The following PRRX1 variants were observed in gnomAD, a reference collection of about 807,000 sequenced individuals.
The protein encoded by PRRX1 is paired related homeobox 1.
PRRX1 carries 8 observed loss-of-function variants against 24.0 expected under a neutral mutation model. The ratio of observed to expected loss-of-function variants is 0.33; its 90% CI spans 0.20 to 0.60. PRRX1 has a LOEUF of 0.60. PRRX1 is among the 20% of genes least tolerant of loss of function. The probability of loss-of-function intolerance (pLI) is 0.82; values close to 1 mark genes in which losing one functional copy is unlikely to be tolerated. For synonymous variants in PRRX1, 160 were observed against 131.7 expected, an observed-to-expected ratio of 1.22 and a Z score of -1.47; for missense variants, 281 against 322.4, an observed-to-expected ratio of 0.87 and a Z score of 0.98.
At chr1:170,667,300 G>GCA (rs1224239192) in intron 1 of PRRX1, 3 of 121,054 alleles carry the variant, frequency 2.5e-5, no homozygotes, top group Non-Finnish European at 5.0e-5. Context: ...ACACACACGC[G>GCA]CGCGCGCGCG....
chr1:170,677,635 T>C (rs1653367423), intron 1 of PRRX1, among the ~76,000 whole-genome samples: 1 of 152,254 alleles, frequency 6.6e-6, no homozygotes, highest in Non-Finnish European at 1.5e-5. Context: ...ATTTGTTTTC[T>C]ATCTACAATT....
At chr1:170,679,439 G>A (rs1194130541) in intron 1 of PRRX1, among the ~76,000 whole-genome samples, 3 of 151,990 alleles carry the variant, frequency 2.0e-5, no homozygotes, top group Non-Finnish European at 4.4e-5. Flanking sequence ...TGGCTCTGTT[G>A]CCCAGGCTGG....
chr1:170,738,635 G>A lies in PRRX1; in HGVS notation c.*2449G>A. 1 of 229,224 alleles carries A rather than the reference G, an allele frequency of 4.4e-6. No individual in the cohort carries two copies. Among genetic ancestry groups the A allele is most frequent in the South Asian group, 1.8e-4 (1 of 5,502 alleles). The allele number at this position is 229,224 out of a possible 1,614,324, so 14.2% of individuals were successfully genotyped here. ...AACTGGTGAACTTTGGAGGTTTGGA[G>A]CTTGAAGAGAATGGCTAAGAAGATT... On this transcript the variant is annotated 3_prime_UTR_variant, in exon 4 of 4. Coordinates refer to ENST00000239461, the MANE Select transcript of PRRX1 (RefSeq NM_022716.4).
At chr1:170,696,067 A>G (rs1222028792) in intron 1 of PRRX1, among the ~76,000 whole-genome samples, 1 of 152,158 alleles carries the variant, frequency 6.6e-6, no homozygotes, top group East Asian at 1.9e-4. Context: ...GTACAGAAAA[A>G]GAGACAGAAG....
chr1:170,673,672 A>G (rs778419402), intron 1 of PRRX1, among the ~76,000 whole-genome samples: 18 of 152,172 alleles, frequency 1.2e-4, no homozygotes, highest in Non-Finnish European at 2.1e-4. Flanking sequence ...TCAACAAAAC[A>G]TGGAACTAAC....
At chr1:170,671,123 G>A (rs1431911597) in intron 1 of PRRX1, among the ~76,000 whole-genome samples, 1 of 152,182 alleles carries the variant, frequency 6.6e-6, no homozygotes, top group Non-Finnish European at 1.5e-5. Flanking sequence ...AAAGGGCAAG[G>A]GCAGGCTCTA....
chr1:170,678,280 C>T (rs1474747798), intron 1 of PRRX1, among the ~76,000 whole-genome samples: 1 of 152,168 alleles, frequency 6.6e-6, no homozygotes, highest in Admixed American at 6.6e-5. Context: ...CATGAAACAT[C>T]CAGGACTCTA....
At chr1:170,681,233 A>G (rs1313135082) in intron 1 of PRRX1, among the ~76,000 whole-genome samples, 1 of 152,160 alleles carries the variant, frequency 6.6e-6, no homozygotes, top group East Asian at 1.9e-4. Flanking sequence ...GGGCTTTGAG[A>G]CTCAGAGGAG....
At chr1:170,696,138 G>A (rs1259907021) in intron 1 of PRRX1, among the ~76,000 whole-genome samples, 3 of 152,188 alleles carry the variant, frequency 2.0e-5, no homozygotes, top group Admixed American at 2.0e-4. Context: ...GTAGGCAGGA[G>A]CAAAGGAGAG....
chr1:170,685,470 G>A (rs1653699892), intron 1 of PRRX1, among the ~76,000 whole-genome samples: 2 of 152,160 alleles, frequency 1.3e-5, no homozygotes, highest in Admixed American at 6.5e-5. Context: ...AAAATGATTT[G>A]AGAATGAAAG....
At chr1:170,722,178 C>A (rs2101919355) in intron 2 of PRRX1, among the ~76,000 whole-genome samples, 1 of 152,222 alleles carries the variant, frequency 6.6e-6, no homozygotes, top group Non-Finnish European at 1.5e-5. Context: ...ATTCTTCCCC[C>A]ATGAAAGCCT....
chr1:170,708,266 G>A (rs879722194), intron 1 of PRRX1, among the ~76,000 whole-genome samples: 1 of 152,060 alleles, frequency 6.6e-6, no homozygotes, highest in Non-Finnish European at 1.5e-5. Context: ...CAGGGGACAT[G>A]ATTCAATGGA....
intron 1 of PRRX1, among the ~76,000 whole-genome samples, chr1:170,696,587 AT>A (rs1654178477): frequency 6.6e-6 from 1 of 152,210 alleles, no homozygotes; most frequent in Non-Finnish European, 1.5e-5. Context: ...CTAGAGATTA[AT>A]ATCCCTTTAT....
chr1:170,697,304 G>A (rs1221250674), intron 1 of PRRX1, among the ~76,000 whole-genome samples: 4 of 152,100 alleles, frequency 2.6e-5, no homozygotes, highest in Non-Finnish European at 5.9e-5. Context: ...TGTAAAATGG[G>A]AACAATGATC....
intron 1 of PRRX1, among the ~76,000 whole-genome samples, chr1:170,716,513 G>A (rs547648335): frequency 2.1e-3 from 325 of 152,126 alleles, no homozygotes; most frequent in African/African-American, 7.5e-3. Flanking sequence ...GAACCCAGGA[G>A]GCGGAGGTTG....
At chr1:170,703,880 A>G (rs962776916) in intron 1 of PRRX1, among the ~76,000 whole-genome samples, 2 of 152,220 alleles carry the variant, frequency 1.3e-5, no homozygotes, top group African/African-American at 4.8e-5. Context: ...ATAGAAAACA[A>G]AGAAGACATC....
rs3830154 is a variant in PRRX1 at position 170,730,079 on chromosome 1, T to G, written c.599+3678T>G. On this transcript the variant is annotated intron_variant, in intron 3 of 3. Coordinates refer to ENST00000239461, the MANE Select transcript of PRRX1 (RefSeq NM_022716.4). ...TAGTGAATGGCCTGGTTTTGCATTA[T>G]TTACCTGAAGTGCCATTTCCAGAGG... is the stretch of plus-strand genomic sequence containing the variant. 4.2e-5 allele frequency: 28 copies of G among 661,654 alleles called. No individual in the cohort carries two copies. In the East Asian group the frequency reaches 7.2e-4, roughly 17 times the overall value. The allele number at this position is 661,654 out of a possible 1,614,324, so 41.0% of individuals were successfully genotyped here.
chr1:170,677,918 A>G (rs559297451), intron 1 of PRRX1, among the ~76,000 whole-genome samples: 1 of 152,330 alleles, frequency 6.6e-6, no homozygotes, highest in East Asian at 1.9e-4. Context: ...TCTATGACAT[A>G]TGCTTGGGAC....
At chr1:170,686,276 C>G (rs1488666036) in intron 1 of PRRX1, among the ~76,000 whole-genome samples, 3 of 151,620 alleles carry the variant, frequency 2.0e-5, no homozygotes, top group African/African-American at 7.3e-5. Flanking sequence ...AAAATGCTAG[C>G]TTAGAGGACT....
Sources: gnomAD v4.1 joint callset for allele counts (sites outside exome capture counted in the v4.1 genomes callset) on GRCh38, gnomAD v4.1.1 for gene constraint, MANE v1.5 for transcripts, NCBI Gene and HGNC (gene_info 2026-07-23, HGNC 2026-07-21) for gene names.